Variants in FSTL5 observed in about 807,000 individuals in gnomAD.
FSTL5 encodes the protein follistatin-related protein 5.
FSTL5 carries 62 observed loss-of-function variants against 89.1 expected under a neutral mutation model. That is an observed-to-expected ratio of 0.70 (90% CI 0.57 to 0.86). The LOEUF (loss-of-function observed/expected upper bound fraction) is 0.86. FSTL5 is among the 40% of genes least tolerant of loss of function. The pLI is 0.00. For synonymous variants in FSTL5, 383 were observed against 346.2 expected, an observed-to-expected ratio of 1.11 and a Z score of -1.18; for missense variants, 1,057 against 1,001.6, an observed-to-expected ratio of 1.06 and a Z score of -0.75.
chr4:162,055,525 T>TGATAGATAGATA (rs67961016), intron 2 of FSTL5, among the ~76,000 whole-genome samples: 1,523 of 148,656 alleles, frequency 0.01, 13 homozygotes, highest in East Asian at 0.035. Context: ...AGATAGAGGA[T>TGATAGATAGATA]GATAGATAGA....
At chr4:161,805,659 CA>C (rs1179919841) in intron 4 of FSTL5, among the ~76,000 whole-genome samples, 1 of 152,010 alleles carries the variant, frequency 6.6e-6, no homozygotes, top group Admixed American at 6.6e-5. Context: ...AGTATTTTCA[CA>C]ATAACATTAG....
intron 15 of FSTL5, among the ~76,000 whole-genome samples, chr4:161,405,671 C>T (rs1731350865): frequency 6.6e-6 from 1 of 152,124 alleles, no homozygotes; most frequent in African/African-American, 2.4e-5. Flanking sequence ...TACTAACGTA[C>T]ATGAATCTAT....
chr4:161,968,896 G>A lies in FSTL5; in HGVS notation c.161-48244C>T, dbSNP rs79835947. On this transcript the variant is annotated intron_variant, in intron 3 of 15. Transcript: ENST00000306100. ...ATAAAAGACCTTAAGAAGCAAAGAT[G>A]ATTATTATGTCTGCTACTACCACCC... Among the ~76,000 whole-genome samples, 1,429 of 150,656 alleles carry A rather than the reference G, an allele frequency of 9.5e-3. 19 individuals carry two copies. Among genetic ancestry groups the A allele is most frequent in the African/African-American group, 0.032 (1,332 of 41,168 alleles).
intron 15 of FSTL5, among the ~76,000 whole-genome samples, chr4:161,443,253 G>T (rs1230077130): frequency 1.3e-5 from 2 of 151,894 alleles, no homozygotes; most frequent in Non-Finnish European, 2.9e-5. Context: ...AATTTGTCTA[G>T]GATTATGTCA....
intron 7 of FSTL5, among the ~76,000 whole-genome samples, chr4:161,651,426 A>G (rs747875288): frequency 5.3e-5 from 8 of 152,168 alleles, no homozygotes; most frequent in South Asian, 2.1e-4. Flanking sequence ...TGAATTCCCA[A>G]TCTTTCTTGG....
intron 4 of FSTL5, among the ~76,000 whole-genome samples, chr4:161,824,251 C>T (rs1198852428): frequency 6.6e-6 from 1 of 152,154 alleles, no homozygotes; most frequent in East Asian, 1.9e-4. Flanking sequence ...TATCCCAGCA[C>T]CGTTTGTTGA....
intron 6 of FSTL5, among the ~76,000 whole-genome samples, chr4:161,709,980 G>A (rs937531081): frequency 6.6e-6 from 1 of 152,020 alleles, no homozygotes; most frequent in Non-Finnish European, 1.5e-5. Context: ...GGTGGTAGTT[G>A]TTTTTTGAGA....
chr4:162,112,201 T>C (rs1304118515), intron 1 of FSTL5, among the ~76,000 whole-genome samples: 1 of 152,154 alleles, frequency 6.6e-6, no homozygotes, highest in Admixed American at 6.6e-5. Flanking sequence ...AGCAGCTTTT[T>C]CTTCTGTCAA....
intron 2 of FSTL5, among the ~76,000 whole-genome samples, chr4:162,082,130 T>C (rs1379360839): frequency 6.6e-6 from 1 of 151,780 alleles, no homozygotes; most frequent in African/African-American, 2.4e-5. Flanking sequence ...GCTGTGGAGC[T>C]ATCTGATTCT....
chr4:161,869,554 G>T (rs924290085), intron 4 of FSTL5, among the ~76,000 whole-genome samples: 12 of 152,248 alleles, frequency 7.9e-5, no homozygotes, highest in Admixed American at 7.8e-4. Context: ...GGTGAGTTTT[G>T]CCCTCTAGAG....
Position 162,033,640 on chromosome 4 carries a change from T to C in FSTL5, c.145A>G (p.Ser49Gly), listed in dbSNP as rs377562641. The C allele has an allele frequency of 6.0e-6, 9 of 1,494,900 alleles. No individual in the cohort carries two copies. In the African/African-American group the frequency reaches 1.2e-4, roughly 21 times the overall value. The allele number at this position is 1,494,900 out of a possible 1,614,324, so 92.6% of individuals were successfully genotyped here. The change falls in exon 3 of 16, where the codon AGT (serine) becomes GGT (glycine). Residue 49 changes from serine to glycine, a missense_variant. Ser to Gly is a moderately conservative substitution (Grantham distance 56). Around this residue, in one of 3 missense-constraint regions of FSTL5, gnomAD observed 980 missense variants for 903.2 expected, o/e 1.08. Transcript: ENST00000306100. ...CATTTCTTACCTTTGACTCTTGAAC[T>C]TTCTTGATTTTTTTCCTGCTGGAAA... ...LRHKQEKNQE[S>G]SRVKGFMIQD...
chr4:161,766,059 G>C (rs1740987319), intron 5 of FSTL5, among the ~76,000 whole-genome samples: 1 of 152,074 alleles, frequency 6.6e-6, no homozygotes, highest in Non-Finnish European at 1.5e-5. Flanking sequence ...TCCCAAAGTT[G>C]ATGAGATTAC....
intron 8 of FSTL5, among the ~76,000 whole-genome samples, chr4:161,557,212 C>A (rs1016619469): frequency 2.0e-5 from 3 of 151,328 alleles, no homozygotes; most frequent in Non-Finnish European, 4.4e-5. Flanking sequence ...AATAAAAGAG[C>A]AGCCTTAAAA....
chr4:161,442,604 C>T (rs1027611131), intron 15 of FSTL5, among the ~76,000 whole-genome samples: 2 of 151,956 alleles, frequency 1.3e-5, no homozygotes, highest in African/African-American at 2.4e-5. Flanking sequence ...ACCATGCTAG[C>T]CAGATATTCA....
intron 3 of FSTL5, among the ~76,000 whole-genome samples, chr4:162,028,468 T>G (rs1016502456): frequency 6.6e-6 from 1 of 152,072 alleles, no homozygotes; most frequent in Non-Finnish European, 1.5e-5. Context: ...TCCCAGCTAC[T>G]CACAAGACTG....
At chr4:161,944,701 G>C (rs1734688208) in intron 3 of FSTL5, among the ~76,000 whole-genome samples, 1 of 151,614 alleles carries the variant, frequency 6.6e-6, no homozygotes, top group Non-Finnish European at 1.5e-5. Context: ...TACATTTAAA[G>C]TAATTGTTTG....
intron 12 of FSTL5, among the ~76,000 whole-genome samples, chr4:161,492,191 T>G (rs539199072): frequency 5.3e-5 from 8 of 152,146 alleles, no homozygotes; most frequent in Non-Finnish European, 1.2e-4. Context: ...TACACTTGAG[T>G]GTGCTTAAAA....
At chr4:161,542,764 T>C (rs762184454) in intron 8 of FSTL5, 71 bp from the exon 9 acceptor site, 20 of 936,806 alleles carry the variant, frequency 2.1e-5, no homozygotes, top group Middle Eastern at 2.8e-4. Flanking sequence ...AAAAGAAAAA[T>C]TGCAATAAGA....
At chr4:162,089,425 A>T (rs2111352790) in intron 2 of FSTL5, among the ~76,000 whole-genome samples, 1 of 152,072 alleles carries the variant, frequency 6.6e-6, no homozygotes, top group East Asian at 1.9e-4. Context: ...TCTTGAGGTC[A>T]GGAGTTCGAG....
Sources: gnomAD v4.1 joint callset for allele counts (sites outside exome capture counted in the v4.1 genomes callset) on GRCh38, gnomAD v4.1.1 for gene constraint, gnomAD v4.1.1 regional missense constraint, MANE v1.5 for transcripts, NCBI Gene and HGNC (gene_info 2026-07-23, HGNC 2026-07-21) for gene names.